MYO3B: variants seen among roughly 807,000 people sequenced by gnomAD.
The protein encoded by MYO3B is myosin IIIB, also known as myosin-IIIb.
A neutral mutation model predicts 174.6 loss-of-function variants in MYO3B; 156 were observed. The ratio of observed to expected loss-of-function variants is 0.89; its 90% CI spans 0.78 to 1.02. The LOEUF (loss-of-function observed/expected upper bound fraction) is 1.02, where lower values mean the gene tolerates loss of function less well. MYO3B is among the 50% of genes least tolerant of loss of function. MYO3B has a pLI of 0.00. For missense variants in MYO3B, 1,632 were observed against 1,639.4 expected (o/e 1.00, Z 0.08); for synonymous variants, 563 against 569.1 (o/e 0.99, Z 0.15).
intron 32 of MYO3B, among the ~76,000 whole-genome samples, chr2:170,582,849 C>T (rs1575198911): frequency 6.6e-6 from 1 of 151,810 alleles, no homozygotes; most frequent in African/African-American, 2.4e-5. Flanking sequence ...TTTCTCTCTC[C>T]CTCTTCCACA....
intron 32 of MYO3B, among the ~76,000 whole-genome samples, chr2:170,550,511 G>T (rs1690807041): frequency 1.3e-5 from 2 of 152,124 alleles, no homozygotes; most frequent in Non-Finnish European, 2.9e-5. Flanking sequence ...TCACTGCTCT[G>T]GACATTACCT....
rs1249396404 is a variant in MYO3B at position 170,263,835 on chromosome 2, ATCC to A, written c.749+27705_749+27707del. 2.6e-5 allele frequency among the ~76,000 whole-genome samples: 4 copies of A among 152,008 alleles called. No homozygotes were observed. In the East Asian group the frequency reaches 7.8e-4, roughly 30 times the overall value. ...GCAAAGAGGCCTTCCTCTTTTACTA[ATCC>A]TCCTCAGCACAGACCCTTTACCGGT... On this transcript the variant is annotated intron_variant, in intron 7 of 34. Transcript: ENST00000408978.
At chr2:170,220,224 C>T (rs1276401539) in intron 6 of MYO3B, among the ~76,000 whole-genome samples, 1 of 151,906 alleles carries the variant, frequency 6.6e-6, no homozygotes, top group Non-Finnish European at 1.5e-5. Flanking sequence ...TGCCACTGCA[C>T]TCCAGCCTGG....
chr2:170,392,535 C>G, intron 16 of MYO3B, 40 bp downstream of exon 16: 1 of 1,283,360 alleles, frequency 7.8e-7, no homozygotes. Context: ...TGACAATATT[C>G]TTATATGAAT....
rs541702845 is a variant in MYO3B, at chr2:170,353,660, C to T, written c.816-15562C>T. 4.6e-5 allele frequency among the ~76,000 whole-genome samples: 7 copies of T among 151,798 alleles called. No individual in the cohort carries two copies. In the South Asian group the frequency reaches 1.0e-3, roughly 23 times the overall value. On this transcript the variant is annotated intron_variant, in intron 8 of 34. Transcript: ENST00000408978. ...GGAGAGGCTGTGCGTGTAGGGGGGC[C>T]GGGGTATATGGGAAATCTCTGTACC...
chr2:170,286,673 T>TC (rs2093558463), intron 7 of MYO3B, among the ~76,000 whole-genome samples: 3 of 152,096 alleles, frequency 2.0e-5, no homozygotes, highest in African/African-American at 7.2e-5. Context: ...GTATTAGTCT[T>TC]CCCATGTGTC....
At position 170,328,229 on chromosome 2, in the gene MYO3B, T is replaced by C. The variant is rs577043712; in HGVS notation, c.750-7156T>C. On this transcript the variant is annotated intron_variant, in intron 7 of 34. Coordinates refer to ENST00000408978, the MANE Select transcript of MYO3B (RefSeq NM_138995.5). ...TATGCATATTTTGAATATATCTTCG[T>C]CTGTGTCACGTATGCTGAGGTTATT... Among the ~76,000 whole-genome samples, 11 of 152,226 alleles carry C rather than the reference T, an allele frequency of 7.2e-5. No individual in the cohort carries two copies. In the East Asian group the frequency reaches 2.1e-3, roughly 29 times the overall value.
At chr2:170,435,795 A>G (rs1270044656) in intron 22 of MYO3B, among the ~76,000 whole-genome samples, 1 of 152,246 alleles carries the variant, frequency 6.6e-6, no homozygotes, top group African/African-American at 2.4e-5. Context: ...AATGCCCACC[A>G]ACAATCACCA....
At chr2:170,309,600 A>T (rs1292196511) in intron 7 of MYO3B, among the ~76,000 whole-genome samples, 1 of 152,150 alleles carries the variant, frequency 6.6e-6, no homozygotes, top group Non-Finnish European at 1.5e-5. Context: ...TGGCTGCTAG[A>T]CTGGCATGCG....
At chr2:170,434,696 G>C (rs1352298851) in intron 22 of MYO3B, among the ~76,000 whole-genome samples, 1 of 152,234 alleles carries the variant, frequency 6.6e-6, no homozygotes, top group Non-Finnish European at 1.5e-5. Context: ...GTTAAGTTTA[G>C]AAGGCAAAGA....
intron 22 of MYO3B, among the ~76,000 whole-genome samples, chr2:170,426,246 A>G (rs1396978773): frequency 6.6e-6 from 1 of 151,538 alleles, no homozygotes; most frequent in East Asian, 2.0e-4. Context: ...GGCTGAGGCG[A>G]GAGGATTGCT....
At position 170,208,969 on chromosome 2, in the gene MYO3B, C is replaced by T. The variant is rs551485658; in HGVS notation, c.322-5410C>T. Among the ~76,000 whole-genome samples, 45 of 152,246 alleles carry T rather than the reference C, an allele frequency of 3.0e-4. 1 individual carries two copies. The highest frequency in any genetic ancestry group is 1.2e-3 in the Admixed American group (18 of 15,288). On this transcript the variant is annotated intron_variant, in intron 3 of 34. Coordinates refer to ENST00000408978, the MANE Select transcript of MYO3B (RefSeq NM_138995.5). ...GGGTGATCCTCTCCTTTTAAGGTCC[C>T]AAGATAAACTTAGAGCTCCTGGTCC...
intron 8 of MYO3B, chr2:170,338,244 TA>T (rs1223598558): frequency 6.6e-6 from 1 of 152,186 alleles, no homozygotes; most frequent in Non-Finnish European, 1.5e-5. Context: ...CATCCTGTTG[TA>T]ATTGCAAGGG....
intron 22 of MYO3B, among the ~76,000 whole-genome samples, chr2:170,409,920 T>G (rs142177410): frequency 2.0e-4 from 31 of 152,330 alleles, no homozygotes; most frequent in African/African-American, 7.0e-4. Flanking sequence ...TCTATATTTT[T>G]GGGGGTTATT....
chr2:170,201,642 T>C (rs11902801), intron 3 of MYO3B, among the ~76,000 whole-genome samples: 50,960 of 151,834 alleles, frequency 0.34, 8,766 homozygotes, highest in Non-Finnish European at 0.39. Flanking sequence ...GGTTTTCTAA[T>C]TATCTTTGTT....
chr2:170,578,234 C>A lies in MYO3B; in HGVS notation c.3733+34246C>A, dbSNP rs1296394804. Among the ~76,000 whole-genome samples, 3 of 152,192 alleles carry A rather than the reference C, an allele frequency of 2.0e-5. No individual in the cohort carries two copies. In the South Asian group the frequency reaches 6.2e-4, roughly 32 times the overall value. ...TTCTCACAGACAAGGTCGCAGCCTGCGGCTCTTGGGGTCGTGATGTCTGGA... is the reference window on the plus strand; with the variant it reads ...TTCTCACAGACAAGGTCGCAGCCTGAGGCTCTTGGGGTCGTGATGTCTGGA... On this transcript the variant is annotated intron_variant, in intron 32 of 34. Transcript: ENST00000408978.
At chr2:170,403,169 G>T (rs1188969716) in intron 19 of MYO3B, among the ~76,000 whole-genome samples, 174 bp downstream of exon 19, 3 of 152,178 alleles carry the variant, frequency 2.0e-5, no homozygotes, top group African/African-American at 7.2e-5. Flanking sequence ...CTCGATTTCT[G>T]TGGAAAGGTA....
intron 23 of MYO3B, among the ~76,000 whole-genome samples, chr2:170,454,910 G>T (rs1006528403): frequency 1.3e-5 from 2 of 152,144 alleles, no homozygotes; most frequent in African/African-American, 4.8e-5. Context: ...GTTCAGAGAT[G>T]AAATCATAGG....
intron 7 of MYO3B, among the ~76,000 whole-genome samples, chr2:170,269,913 G>A (rs964505452): frequency 2.6e-5 from 4 of 152,164 alleles, no homozygotes; most frequent in Non-Finnish European, 5.9e-5. Context: ...GTGAGGAGCA[G>A]GGCAGGAATA....
Sources: gnomAD v4.1 joint callset for allele counts (sites outside exome capture counted in the v4.1 genomes callset) on GRCh38, gnomAD v4.1.1 for gene constraint, MANE v1.5 for transcripts, NCBI Gene and HGNC (gene_info 2026-07-23, HGNC 2026-07-21) for gene names.